Variants in XKRX observed in about 807,000 individuals in gnomAD.
XKRX encodes the protein XK-related protein 2.
XKRX carries 11 observed loss-of-function variants against 22.4 expected under a neutral mutation model. The observed-to-expected ratio is 0.49, with a 90% CI of 0.31 to 0.81. The LOEUF (loss-of-function observed/expected upper bound fraction) is 0.81, where lower values mean the gene tolerates loss of function less well. Ranked by LOEUF, XKRX falls within the 40% of genes least tolerant of loss-of-function variation. XKRX has a pLI of 0.05. For synonymous variants in XKRX, 114 were observed against 132.2 expected (o/e 0.86, Z 0.94); for missense variants, 320 against 336.5 (o/e 0.95, Z 0.38).
the XKRX span, among the ~76,000 whole-genome samples, chrX:100,907,651 A>C: frequency 8.9e-6 from 1 of 112,153 alleles, no homozygotes; most frequent in African/African-American, 3.2e-5. Flanking sequence ...TGATAAATAG[A>C]GGGGCAATGA....
the XKRX span, among the ~76,000 whole-genome samples, chrX:100,952,413 G>C: frequency 1.8e-5 from 2 of 109,453 alleles, no homozygotes; most frequent in Non-Finnish European, 3.8e-5. Context: ...AAAAAAAAAA[G>C]TTGAAAGACA....
intron 2 of XKRX, among the ~76,000 whole-genome samples, chrX:100,921,405 C>T (rs748856728): frequency 9.0e-6 from 1 of 111,730 alleles, no homozygotes. Flanking sequence ...GAGTTTTCTC[C>T]TCAAACTACT....
Position 100,928,810 on chromosome X carries a change from A to G in XKRX, c.-506T>C. 1.3e-6 allele frequency: 1 copy of G among 757,080 alleles called. No individual in the cohort carries two copies. The highest frequency in any genetic ancestry group is 1.6e-6 in the Non-Finnish European group (1 of 641,441). The allele number at this position is 757,080 out of a possible 1,213,427, so 62.4% of individuals were successfully genotyped here. A position where few individuals can be genotyped will look rare whatever the true frequency, so the allele number is the denominator to read the frequency against. On this transcript the variant is annotated 5_prime_UTR_variant, in exon 1 of 3. Transcript: ENST00000372956. ...AGCCAGGGCAGAAGAGCGGGCGCAG[A>G]AGAAGGAGGGCAGAAGAGGGGATTC...
intron 1 of XKRX, among the ~76,000 whole-genome samples, chrX:100,924,013 T>G (rs1156830158): frequency 2.0e-5 from 2 of 102,123 alleles, no homozygotes; most frequent in Non-Finnish European, 4.0e-5. Context: ...AGGTTTTTTT[T>G]TTTTTTTTTT....
the XKRX span, among the ~76,000 whole-genome samples, chrX:100,944,448 C>T: frequency 1.8e-5 from 2 of 111,631 alleles, no homozygotes; most frequent in East Asian, 2.8e-4. Flanking sequence ...CTGCAACCTC[C>T]GCCTCCTGGG....
At chrX:100,926,212 T>TA (rs1358211923) in intron 1 of XKRX, among the ~76,000 whole-genome samples, 1 of 111,956 alleles carries the variant, frequency 8.9e-6, no homozygotes, top group Admixed American at 9.5e-5. Context: ...ACCCATGATT[T>TA]AGACTAACCC....
chrX:100,915,698 G>GTGTA (rs1556190618), intron 2 of XKRX, among the ~76,000 whole-genome samples: 1 of 103,193 alleles, frequency 9.7e-6, no homozygotes, highest in Non-Finnish European at 1.9e-5. Context: ...CTGTGTGTGT[G>GTGTA]TGTGTGTGTG....
the XKRX span, among the ~76,000 whole-genome samples, chrX:100,941,754 C>G: frequency 1.8e-5 from 2 of 111,696 alleles, no homozygotes; most frequent in African/African-American, 3.3e-5. Context: ...AACATTGCTT[C>G]CTGTGAACTT....
chrX:100,900,516 T>C, the XKRX span, among the ~76,000 whole-genome samples: 3 of 110,634 alleles, frequency 2.7e-5, no homozygotes, highest in Admixed American at 1.9e-4. Flanking sequence ...AGAATGTATG[T>C]CCTGGCAGGG....
upstream of XKRX, among the ~76,000 whole-genome samples, chrX:100,931,739 G>C (rs927688265): frequency 4.5e-5 from 5 of 111,014 alleles, no homozygotes; most frequent in Non-Finnish European, 7.5e-5. Context: ...TGGTGATGAT[G>C]ATGACGCTTC....
At chrX:100,910,955 C>T (rs2085405007), downstream of XKRX, 6 of 560,463 alleles carry the variant, frequency 1.1e-5, no homozygotes, top group East Asian at 6.5e-5. Flanking sequence ...AAAGACTCCA[C>T]GGGGATCAGT....
chrX:100,910,679 A>C, downstream of XKRX: 1 of 440,319 alleles, frequency 2.3e-6, no homozygotes, highest in Non-Finnish European at 3.9e-6. Context: ...CGCACCCCAG[A>C]GGCTGCTACT....
At chrX:100,899,583 T>C in the XKRX span, among the ~76,000 whole-genome samples, 1 of 112,489 alleles carries the variant, frequency 8.9e-6, no homozygotes, top group South Asian at 3.6e-4. Context: ...TATTCACAGA[T>C]GACTTGATCT....
the XKRX span, among the ~76,000 whole-genome samples, chrX:100,902,195 A>C: frequency 8.9e-6 from 1 of 112,103 alleles, no homozygotes; most frequent in Non-Finnish European, 1.9e-5. Flanking sequence ...GTCAAAGAAT[A>C]AGTCTAGAAA....
At chrX:100,919,415 A>G (rs1343820815) in intron 2 of XKRX, among the ~76,000 whole-genome samples, 2 of 112,218 alleles carry the variant, frequency 1.8e-5, no homozygotes, top group East Asian at 5.5e-4. Context: ...GATATTAAAT[A>G]TATCACACAC....
chrX:100,928,938 A>G, upstream of XKRX: 1 of 615,900 alleles, frequency 1.6e-6, no homozygotes, highest in Non-Finnish European at 1.9e-6. Flanking sequence ...GGTTCTCAGG[A>G]TAGCTCCTCG....
the XKRX span, among the ~76,000 whole-genome samples, chrX:100,935,597 G>A: frequency 8.9e-6 from 1 of 111,896 alleles, no homozygotes. Context: ...CCAATAGGCA[G>A]CTTTGGCTAA....
rs772900934 is a variant in XKRX at position 100,928,503 on chromosome X, A to G, written c.-199T>C. ...AGATTCGACTTGGAGTCTGGGATGG[A>G]AAGCCCAGGAGTACCACTTTGAACT... On this transcript the variant is annotated 5_prime_UTR_variant, in exon 1 of 3. Transcript: ENST00000372956. 2.4e-3 allele frequency: 2,562 copies of G among 1,081,281 alleles called. 3 individuals are homozygous for G. Among genetic ancestry groups the G allele is most frequent in the Non-Finnish European group, 2.5e-3 (2,115 of 837,600 alleles). The allele number at this position is 1,081,281 out of a possible 1,213,427, so 89.1% of individuals were successfully genotyped here. A position where few individuals can be genotyped will look rare whatever the true frequency, so the allele number is the denominator to read the frequency against.
chrX:100,908,752 C>A (rs1418999959), downstream of XKRX, among the ~76,000 whole-genome samples: 1 of 111,806 alleles, frequency 8.9e-6, no homozygotes, highest in Non-Finnish European at 1.9e-5. Flanking sequence ...ATATAAAGCC[C>A]CATGGGCTTA....
Sources: gnomAD v4.1 joint callset for allele counts (sites outside exome capture counted in the v4.1 genomes callset) on GRCh38, gnomAD v4.1.1 for gene constraint, MANE v1.5 for transcripts, NCBI Gene and HGNC (gene_info 2026-07-23, HGNC 2026-07-21) for gene names.